Variants in ARID2 observed in about 807,000 individuals in gnomAD.
ARID2 encodes the protein AT-rich interaction domain 2, also known as AT-rich interactive domain-containing protein 2.
A neutral mutation model predicts 184.6 loss-of-function variants in ARID2; 32 were observed. The observed-to-expected ratio is 0.17, with a 90% CI of 0.13 to 0.23. The LOEUF (loss-of-function observed/expected upper bound fraction) is 0.23. Ranked by LOEUF, ARID2 falls within the 10% of genes least tolerant of loss-of-function variation. ARID2 has a pLI of 1.00. For synonymous variants in ARID2, 836 were observed against 772.6 expected (o/e 1.08, Z -1.36); for missense variants, 1,696 against 2,197.6 (o/e 0.77, Z 4.56).
Position 45,893,408 on chromosome 12 carries a change from T to G in ARID2, c.5148-12T>G. 1 of 1,604,028 alleles carries G rather than the reference T, an allele frequency of 6.2e-7. No homozygotes were observed. Among genetic ancestry groups the G allele is most frequent in the Non-Finnish European group, 8.5e-7 (1 of 1,174,992 alleles). ...TTAATTCTCTCTCTCTCTCTCTCTC[T>G]GATCAATTTAGGCAGCCAACTGTAG... On this transcript the variant is annotated splice_polypyrimidine_tract_variant and intron_variant, in intron 18 of 20. Coordinates refer to ENST00000334344, the MANE Select transcript of ARID2 (RefSeq NM_152641.4).
At chr12:45,879,453 T>G (rs1367768026) in intron 16 of ARID2, among the ~76,000 whole-genome samples, 1 of 152,216 alleles carries the variant, frequency 6.6e-6, no homozygotes, top group Non-Finnish European at 1.5e-5. Context: ...GTATGGGTTC[T>G]CCACAGAAAC....
intron 11 of ARID2, among the ~76,000 whole-genome samples, chr12:45,844,154 C>T (rs1287155556): frequency 4.0e-4 from 61 of 152,120 alleles, no homozygotes; most frequent in Non-Finnish European, 2.9e-5. Context: ...CCCCCTACCT[C>T]AGGCTCCTGA....
intron 3 of ARID2, among the ~76,000 whole-genome samples, chr12:45,785,634 A>G (rs1276125244): frequency 6.6e-6 from 1 of 152,168 alleles, no homozygotes; most frequent in East Asian, 1.9e-4. Flanking sequence ...CCAACATGAC[A>G]CTTAAAGGAA....
chr12:45,875,150 G>T (rs548755146), intron 16 of ARID2, among the ~76,000 whole-genome samples: 2 of 152,086 alleles, frequency 1.3e-5, no homozygotes, highest in Admixed American at 1.3e-4. Flanking sequence ...TGAAGTGACT[G>T]CTTGTTCCAT....
intron 16 of ARID2, chr12:45,880,810 A>G (rs1003483791): frequency 6.5e-6 from 1 of 153,248 alleles, no homozygotes; most frequent in Non-Finnish European, 1.5e-5. Flanking sequence ...AGTTTGTCCA[A>G]GCCTATCGAG....
At chr12:45,731,382 A>G (rs368682134) in intron 3 of ARID2, 68 bp downstream of exon 3, 2 of 1,174,384 alleles carry the variant, frequency 1.7e-6, no homozygotes, top group African/African-American at 1.5e-5. Flanking sequence ...GTTTTTAGCA[A>G]AAACAAAAGC....
intron 11 of ARID2, 134 bp downstream of exon 11, chr12:45,839,630 T>C: frequency 2.1e-6 from 2 of 974,112 alleles, no homozygotes; most frequent in Non-Finnish European, 1.5e-6. Context: ...TTTGGATATG[T>C]ACTCTAATTT....
chr12:45,875,426 G>A (rs1041202885), intron 16 of ARID2, among the ~76,000 whole-genome samples: 1 of 152,218 alleles, frequency 6.6e-6, no homozygotes, highest in Non-Finnish European at 1.5e-5. Context: ...CAGATTTTCA[G>A]AATGGCCAAT....
chr12:45,886,995 A>C lies in ARID2; in HGVS notation c.4923-4785A>C, dbSNP rs115303340. On this transcript the variant is annotated intron_variant, in intron 16 of 20. Transcript: ENST00000334344. ...ATTAACATTCAGCTCCTTGTTACTT[A>C]TACAAATTCCTGCAGCAGACCTGAA... is the stretch of plus-strand genomic sequence containing the variant. Among the ~76,000 whole-genome samples the C allele has an allele frequency of 7.7e-3, 1,170 of 152,332 alleles. 19 individuals carry two copies. Among genetic ancestry groups the C allele is most frequent in the African/African-American group, 0.026 (1,098 of 41,582 alleles).
chr12:45,753,221 C>T (rs1592055421), intron 3 of ARID2, among the ~76,000 whole-genome samples: 2 of 151,984 alleles, frequency 1.3e-5, no homozygotes, highest in East Asian at 3.9e-4. Flanking sequence ...CACTTGAACC[C>T]AGAGGCAGAG....
intron 3 of ARID2, among the ~76,000 whole-genome samples, chr12:45,781,666 T>G (rs1382457570): frequency 6.6e-6 from 1 of 151,996 alleles, no homozygotes; most frequent in Non-Finnish European, 1.5e-5. Context: ...TGGAAGTGAT[T>G]GTTGCTGACT....
chr12:45,827,597 A>G (rs1744762634), intron 6 of ARID2, among the ~76,000 whole-genome samples: 1 of 152,256 alleles, frequency 6.6e-6, no homozygotes, highest in African/African-American at 2.4e-5. Flanking sequence ...AAGCAAGACA[A>G]TGTGATAGAG....
intron 3 of ARID2, among the ~76,000 whole-genome samples, chr12:45,759,824 C>G (rs1275146437): frequency 1.3e-5 from 2 of 152,108 alleles, no homozygotes; most frequent in Non-Finnish European, 2.9e-5. Flanking sequence ...AGCCTAGTAG[C>G]TGGGACTACA....
rs951342725 is a variant in ARID2 at position 45,827,649 on chromosome 12, G to A, written c.705+6162G>A. 1.1e-4 allele frequency among the ~76,000 whole-genome samples: 16 copies of A among 152,206 alleles called. 1 individual carries two copies. Among genetic ancestry groups the A allele is most frequent in the South Asian group, 4.1e-4 (2 of 4,826 alleles). ...AGTGTATGGTAACGTTAGATAATATGACCAGAAAGGCTTCCCTCAGGAGGT... is the reference window on the plus strand; with the variant it reads ...AGTGTATGGTAACGTTAGATAATATAACCAGAAAGGCTTCCCTCAGGAGGT... On this transcript the variant is annotated intron_variant, in intron 6 of 20. Transcript: ENST00000334344.
At chr12:45,751,565 TAC>T (rs1440148591) in intron 3 of ARID2, among the ~76,000 whole-genome samples, 1 of 152,196 alleles carries the variant, frequency 6.6e-6, no homozygotes, top group East Asian at 1.9e-4. Flanking sequence ...GCTGAGAAAA[TAC>T]AGTTAGTTCT....
At chr12:45,838,091 C>T (rs1176760315) in intron 10 of ARID2, among the ~76,000 whole-genome samples, 1 of 152,150 alleles carries the variant, frequency 6.6e-6, no homozygotes, top group Non-Finnish European at 1.5e-5. Flanking sequence ...TTGAAATGGA[C>T]AAAACTGCTA....
intron 16 of ARID2, among the ~76,000 whole-genome samples, chr12:45,883,427 G>A (rs533617838): frequency 2.7e-5 from 4 of 149,560 alleles, no homozygotes; most frequent in Non-Finnish European, 5.9e-5. Context: ...AATTTCCTAG[G>A]GTGAGAATCT....
intron 20 of ARID2, 101 bp from the exon 21 acceptor site, chr12:45,904,833 A>T: frequency 8.5e-7 from 1 of 1,176,546 alleles, no homozygotes; most frequent in Non-Finnish European, 1.2e-6. Flanking sequence ...GTGTGGAGCT[A>T]TGTATTGTTT....
intron 3 of ARID2, among the ~76,000 whole-genome samples, chr12:45,793,343 A>G (rs1452018380): frequency 2.2e-5 from 2 of 89,908 alleles, no homozygotes; most frequent in African/African-American, 1.9e-4. Context: ...CTGCTTTTTA[A>G]TACTTTTTTT....
Sources: gnomAD v4.1 joint callset for allele counts (sites outside exome capture counted in the v4.1 genomes callset) on GRCh38, gnomAD v4.1.1 for gene constraint, MANE v1.5 for transcripts, NCBI Gene and HGNC (gene_info 2026-07-23, HGNC 2026-07-21) for gene names.